Variants in HSPB7 observed in about 807,000 individuals in gnomAD.
HSPB7 encodes the protein heat shock protein beta-7.
Under a neutral mutation model 11.0 loss-of-function variants are expected in HSPB7, and 9 were observed. That is an observed-to-expected ratio of 0.82 (90% CI 0.49 to 1.43). HSPB7 has a LOEUF of 1.43. Among genes scored for constraint, HSPB7 ranks in the 40% most tolerant of loss-of-function variants. The probability of loss-of-function intolerance (pLI) is 0.00; values close to 1 mark genes in which losing one functional copy is unlikely to be tolerated. For synonymous variants in HSPB7, 102 were observed against 101.6 expected (o/e 1.00, Z -0.02); for missense variants, 246 against 243.9 (o/e 1.01, Z -0.06).
upstream of HSPB7, chr1:16,018,864 T>G: frequency 7.7e-7 from 1 of 1,295,386 alleles, no homozygotes; most frequent in Non-Finnish European, 9.8e-7. Flanking sequence ...GGCTGCAAGC[T>G]GTCCAGCACG....
Position 16,017,764 on chromosome 1 carries a change from C to A in HSPB7, c.199+1G>T. 6.3e-7 allele frequency: 1 copy of A among 1,592,362 alleles called. No homozygotes were observed. The highest frequency in any genetic ancestry group is 8.5e-7 in the Non-Finnish European group (1 of 1,169,940). On this transcript the variant is annotated splice_donor_variant, in intron 1 of 2. Coordinates refer to ENST00000311890, the MANE Select transcript of HSPB7 (RefSeq NM_014424.5). LOFTEE classifies it high-confidence loss of function. ...CTCCCCTCAGGGCCCGGATCACTTG[C>A]CTGGGAAGGCCAGGGGCTCCGAGTG...
At chr1:16,019,091 C>A (rs554584328), upstream of HSPB7, 1 of 1,467,814 alleles carries the variant, frequency 6.8e-7, no homozygotes, top group South Asian at 1.3e-5. Flanking sequence ...GCCAGAGAAG[C>A]CCCTCCCTAC....
chr1:16,015,548 C>T lies in HSPB7; in HGVS notation c.*32G>A, dbSNP rs764753899. 82 of 1,602,748 alleles carry T rather than the reference C, an allele frequency of 5.1e-5. No homozygotes were observed. The highest frequency in any genetic ancestry group is 1.6e-4 in the Middle Eastern group (1 of 6,070). On this transcript the variant is annotated 3_prime_UTR_variant, in exon 3 of 3. Transcript: ENST00000311890. The surrounding 1 kb of genome is among the most constrained non-coding windows in gnomAD (Gnocchi z 4.9). Reference sequence around the variant, plus strand: ...CGAGGCTTTGCTGGCAGGCGTGGGGCGGGGGGACAGGGAAAGGGAAGGGAG... The same window carrying T: ...CGAGGCTTTGCTGGCAGGCGTGGGGTGGGGGGACAGGGAAAGGGAAGGGAG...
chr1:16,018,193 C>T (rs781760240), upstream of HSPB7: 27 of 1,508,532 alleles, frequency 1.8e-5, no homozygotes, highest in South Asian at 1.4e-4. Context: ...CAGCCCGACA[C>T]GCAGGCCGAG....
chr1:16,018,494 T>G (rs2021935314), upstream of HSPB7: 10 of 1,110,724 alleles, frequency 9.0e-6, no homozygotes, highest in Non-Finnish European at 1.1e-5. Context: ...CTCTGTGACG[T>G]CAGGAGCTCC....
At chr1:16,018,605 G>C, upstream of HSPB7, 1 of 1,040,680 alleles carries the variant, frequency 9.6e-7, no homozygotes, top group Non-Finnish European at 1.2e-6. Flanking sequence ...GCCCCCATGG[G>C]GACCTGGATT....
rs201407694 is a variant in HSPB7, at chr1:16,017,212, G to A, written c.200-5C>T. 6.2e-7 allele frequency: 1 copy of A among 1,612,594 alleles called. No homozygotes were observed. Among genetic ancestry groups the A allele is most frequent in the East Asian group, 2.2e-5 (1 of 44,822 alleles). On this transcript the variant is annotated splice_polypyrimidine_tract_variant and splice_region_variant and intron_variant, in intron 1 of 2. Transcript: ENST00000311890. ...TGCCTGCCCCACCGGGGCGGGCTGTGGGATGGGCTGCTGTGAGCGAGGCAT... is the reference window on the plus strand; with the variant it reads ...TGCCTGCCCCACCGGGGCGGGCTGTAGGATGGGCTGCTGTGAGCGAGGCAT...
chr1:16,016,154 C>T (rs1217587565), intron 2 of HSPB7, among the ~76,000 whole-genome samples: 4 of 152,264 alleles, frequency 2.6e-5, no homozygotes, highest in African/African-American at 9.6e-5. Flanking sequence ...CGGCCCCTCC[C>T]CCGCAACTCA....
upstream of HSPB7, chr1:16,019,431 G>A (rs1185460460): frequency 1.9e-6 from 3 of 1,549,404 alleles, no homozygotes; most frequent in Non-Finnish European, 2.6e-6. Context: ...TATCCAACTG[G>A]CAGTTCCCAC....
upstream of HSPB7, chr1:16,019,514 G>GC (rs3841842): frequency 0.39 from 594,432 of 1,506,726 alleles, 120,235 homozygotes; most frequent in East Asian, 0.67. Context: ...TTTTGTCTGA[G>GC]CCCCCTACAA....
chr1:16,018,001 G>C lies in HSPB7; in HGVS notation c.-38C>G. 2.5e-6 allele frequency: 4 copies of C among 1,612,192 alleles called. No homozygotes were observed. The highest frequency in any genetic ancestry group is 2.7e-5 in the African/African-American group (2 of 75,046). ...CCGGGCCCTGCCCAGGCGGGCGAGGGCTGGACAGGAGAGGGTGTGGGCGCA... is the reference window on the plus strand; with the variant it reads ...CCGGGCCCTGCCCAGGCGGGCGAGGCCTGGACAGGAGAGGGTGTGGGCGCA... On this transcript the variant is annotated 5_prime_UTR_variant, in exon 1 of 3. Coordinates refer to ENST00000311890, the MANE Select transcript of HSPB7 (RefSeq NM_014424.5).
chr1:16,015,471 T>TG lies in HSPB7; in HGVS notation c.*108dup. 3.7e-6 allele frequency: 4 copies of TG among 1,073,924 alleles called. No homozygotes were observed. The highest frequency in any genetic ancestry group is 5.5e-6 in the Non-Finnish European group (4 of 728,072). The allele number at this position is 1,073,924 out of a possible 1,614,324, so 66.5% of individuals were successfully genotyped here. A position where few individuals can be genotyped will look rare whatever the true frequency, so the allele number is the denominator to read the frequency against. On this transcript the variant is annotated 3_prime_UTR_variant, in exon 3 of 3. Transcript: ENST00000311890. The surrounding 1 kb of genome is among the most constrained non-coding windows in gnomAD (Gnocchi z 4.9). ...TGGTCCACCTGGGGTCTGGGGTGCG[T>TG]GGGGGCTAGAACCTGGGCTGAGATG...
chr1:16,019,035 G>A (rs992959742), upstream of HSPB7: 6 of 1,150,536 alleles, frequency 5.2e-6, no homozygotes, highest in South Asian at 1.6e-5. Flanking sequence ...TTCAGAGGCC[G>A]AGGTGGTTTG....
upstream of HSPB7, chr1:16,019,267 C>A (rs1351909736): frequency 1.3e-6 from 2 of 1,503,054 alleles, no homozygotes; most frequent in Non-Finnish European, 9.1e-7. Context: ...AATGCCTCCT[C>A]CCCCAGGGAG....
intron 2 of HSPB7, 129 bp downstream of exon 2, chr1:16,016,945 C>A: frequency 2.1e-6 from 2 of 936,764 alleles, no homozygotes; most frequent in Non-Finnish European, 1.6e-6. Context: ...TTCAGTTAGC[C>A]CTGGGGGAGT....
upstream of HSPB7, chr1:16,018,945 C>A: frequency 1.8e-6 from 2 of 1,092,928 alleles, no homozygotes; most frequent in Non-Finnish European, 2.5e-6. Flanking sequence ...GGAAGCGAAG[C>A]CTCTTGGAAA....
intron 1 of HSPB7, 176 bp downstream of exon 1, chr1:16,017,589 G>C (rs569154516): frequency 1.6e-6 from 1 of 623,624 alleles, no homozygotes; most frequent in Non-Finnish European, 2.8e-6. Context: ...AGGCCCACCT[G>C]TTTTCATGGC....
In HSPB7 at chr1:16,015,307, T is replaced by C. The variant is rs1253364224; in HGVS notation, c.*273A>G. The stretch of plus-strand genomic sequence containing the variant: ...TTCCCCTGACCCACAGTGGGTTCTT[T>C]AGATCTTCCTTCCCTGACCCCAGCC... On this transcript the variant is annotated 3_prime_UTR_variant, in exon 3 of 3. Transcript: ENST00000311890. The surrounding 1 kb of genome is among the most constrained non-coding windows in gnomAD (Gnocchi z 4.9). The C allele has an allele frequency of 6.9e-6, 3 of 433,734 alleles. No homozygotes were observed. Among genetic ancestry groups the C allele is most frequent in the African/African-American group, 4.1e-5 (2 of 48,636 alleles). The allele number at this position is 433,734 out of a possible 1,614,324, so 26.9% of individuals were successfully genotyped here. A position where few individuals can be genotyped will look rare whatever the true frequency, so the allele number is the denominator to read the frequency against.
In HSPB7 at chr1:16,015,490, T is replaced by G; in HGVS notation, c.*90A>C. The G allele has an allele frequency of 7.7e-7, 1 of 1,302,160 alleles. No homozygotes were observed. The highest frequency in any genetic ancestry group is 1.1e-6 in the Non-Finnish European group (1 of 918,694). The allele number at this position is 1,302,160 out of a possible 1,614,324, so 80.7% of individuals were successfully genotyped here. ...GGTGCGTGGGGGCTAGAACCTGGGC[T>G]GAGATGTCCTGGAGCTGTTGTAATG... On this transcript the variant is annotated 3_prime_UTR_variant, in exon 3 of 3. Coordinates refer to ENST00000311890, the MANE Select transcript of HSPB7 (RefSeq NM_014424.5). The surrounding 1 kb of genome is among the most constrained non-coding windows in gnomAD (Gnocchi z 4.9).
Sources: allele counts gnomAD v4.1 joint callset (sites outside exome capture counted in the v4.1 genomes callset), GRCh38; gene constraint gnomAD v4.1.1; non-coding constraint Gnocchi (gnomAD v3.1); transcripts MANE v1.5; gene names NCBI Gene and HGNC (gene_info 2026-07-23, HGNC 2026-07-21).